WWOX: variants seen among roughly 807,000 people sequenced by gnomAD.
The protein encoded by WWOX is WW domain containing oxidoreductase, also known as WW domain-containing oxidoreductase.
In WWOX, 69 loss-of-function variants were observed where a neutral mutation model predicts 46.2. The observed-to-expected ratio is 1.49, with a 90% CI of 1.23 to 1.82. WWOX has a LOEUF of 1.82. WWOX is among the 40% of genes most tolerant of loss of function. The pLI is 0.00. For missense variants in WWOX, 919 were observed against 542.6 expected (o/e 1.69, Z -6.89); for synonymous variants, 359 against 202.6 (o/e 1.77, Z -6.56).
intron 8 of WWOX, among the ~76,000 whole-genome samples, chr16:79,180,076 G>A (rs2050880030): frequency 6.6e-6 from 1 of 151,990 alleles, no homozygotes; most frequent in Non-Finnish European, 1.5e-5. Context: ...ATTCTATTGT[G>A]CACTTTTGCC....
At chr16:78,768,082 G>T (rs896240886) in intron 8 of WWOX, among the ~76,000 whole-genome samples, 1 of 151,642 alleles carries the variant, frequency 6.6e-6, no homozygotes, top group Non-Finnish European at 1.5e-5. Context: ...TAGCTGTATT[G>T]TATTCTTATT....
intron 5 of WWOX, chr16:78,167,999 T>A (rs553220023): frequency 6.6e-6 from 1 of 152,324 alleles, no homozygotes; most frequent in East Asian, 1.9e-4. Flanking sequence ...TATTCATATG[T>A]TACCTACGAT....
chr16:78,360,846 G>A (rs1183389482), intron 5 of WWOX, among the ~76,000 whole-genome samples: 2 of 150,654 alleles, frequency 1.3e-5, no homozygotes, highest in East Asian at 2.0e-4. Context: ...TTTGAGACAC[G>A]GTCTCACTCT....
At chr16:78,903,752 A>G (rs2044887555) in intron 8 of WWOX, among the ~76,000 whole-genome samples, 1 of 152,208 alleles carries the variant, frequency 6.6e-6, no homozygotes. Context: ...TGCATAGTAC[A>G]GGAGCTCAGA....
intron 8 of WWOX, among the ~76,000 whole-genome samples, chr16:79,116,267 T>C (rs1344506411): frequency 6.6e-6 from 1 of 152,198 alleles, no homozygotes; most frequent in Non-Finnish European, 1.5e-5. Flanking sequence ...TAAAGCTTGC[T>C]GCATGGATTG....
At chr16:78,612,677 G>A (rs1476903880) in intron 8 of WWOX, among the ~76,000 whole-genome samples, 1 of 152,094 alleles carries the variant, frequency 6.6e-6, no homozygotes, top group East Asian at 1.9e-4. Context: ...GACTTGCTGT[G>A]TTGCCCAGGC....
intron 8 of WWOX, among the ~76,000 whole-genome samples, chr16:78,865,419 A>C (rs79792310): frequency 3.3e-5 from 5 of 152,192 alleles, no homozygotes; most frequent in African/African-American, 9.6e-5. Flanking sequence ...ACTCCAGTGG[A>C]CTTTGATTCA....
At chr16:78,498,191 C>G (rs71386274) in intron 8 of WWOX, among the ~76,000 whole-genome samples, 46,129 of 118,090 alleles carry the variant, frequency 0.39, 9,881 homozygotes, top group Middle Eastern at 0.59. Flanking sequence ...GGCAACAGAG[C>G]AAGACTCCAT....
intron 4 of WWOX, among the ~76,000 whole-genome samples, chr16:78,137,402 C>A (rs1349997418): frequency 3.9e-5 from 6 of 152,146 alleles, no homozygotes; most frequent in Non-Finnish European, 7.3e-5. Context: ...AAATGGGAAC[C>A]ATGACGTCAG....
rs566996083 is a variant in WWOX, at chr16:78,318,008, G to C, written c.517-68852G>C. ...TGATAGCTGCTGAAAAGGTTCCACA[G>C]TATTTGGACCGCTGCCTGCTTCTAC... On this transcript the variant is annotated intron_variant, in intron 5 of 8. Transcript: ENST00000566780. Among the ~76,000 whole-genome samples the C allele has an allele frequency of 2.6e-5, 4 of 152,296 alleles. No individual in the cohort carries two copies. The East Asian group carries it at 7.7e-4, about 29-fold the overall frequency.
intron 8 of WWOX, among the ~76,000 whole-genome samples, chr16:78,610,084 T>C (rs1434832593): frequency 1.3e-5 from 2 of 151,662 alleles, no homozygotes; most frequent in Non-Finnish European, 2.9e-5. Context: ...TTCAGCAAGG[T>C]TTCTTTGCTG....
intron 5 of WWOX, among the ~76,000 whole-genome samples, chr16:78,384,646 A>T (rs2082022819): frequency 6.6e-6 from 1 of 151,738 alleles, no homozygotes; most frequent in Non-Finnish European, 1.5e-5. Flanking sequence ...CTAACAACCC[A>T]CGTGTGGGCG....
At chr16:78,454,674 T>C (rs1213022432) in intron 8 of WWOX, among the ~76,000 whole-genome samples, 1 of 151,790 alleles carries the variant, frequency 6.6e-6, no homozygotes, top group African/African-American at 2.4e-5. Context: ...CCTGGGGAAT[T>C]TTTTTTTGTA....
At chr16:78,390,469 C>G (rs965173617) in intron 6 of WWOX, among the ~76,000 whole-genome samples, 19 of 152,182 alleles carry the variant, frequency 1.2e-4, no homozygotes, top group Admixed American at 1.2e-3. Flanking sequence ...GGTTGAGAAA[C>G]AAGGGTGATT....
At chr16:78,919,984 C>T (rs776105263) in intron 8 of WWOX, among the ~76,000 whole-genome samples, 1 of 152,210 alleles carries the variant, frequency 6.6e-6, no homozygotes, top group Non-Finnish European at 1.5e-5. Flanking sequence ...GGTTTGCCTC[C>T]TTCTCATGCT....
intron 8 of WWOX, among the ~76,000 whole-genome samples, chr16:78,722,914 C>T (rs1028446067): frequency 5.3e-5 from 8 of 151,906 alleles, no homozygotes; most frequent in South Asian, 2.1e-4. Context: ...CAGTGGCTCA[C>T]GCCTGTAGCC....
At chr16:78,941,199 T>G (rs1191656917) in intron 8 of WWOX, among the ~76,000 whole-genome samples, 1 of 152,176 alleles carries the variant, frequency 6.6e-6, no homozygotes, top group East Asian at 1.9e-4. Context: ...TTGCAAAGGA[T>G]AAATCTATCA....
intron 8 of WWOX, among the ~76,000 whole-genome samples, chr16:78,817,804 C>T (rs1266422629): frequency 6.6e-6 from 1 of 152,142 alleles, no homozygotes; most frequent in Admixed American, 6.5e-5. Context: ...GGAAAGAGTT[C>T]CAAGGCAGTC....
At chr16:78,876,108 A>T (rs1477576857) in intron 8 of WWOX, among the ~76,000 whole-genome samples, 1 of 152,144 alleles carries the variant, frequency 6.6e-6, no homozygotes, top group African/African-American at 2.4e-5. Context: ...TAGATATTTC[A>T]ACTAGTTTAC....
Sources: allele counts gnomAD v4.1 joint callset (sites outside exome capture counted in the v4.1 genomes callset), GRCh38; gene constraint gnomAD v4.1.1; transcripts MANE v1.5; gene names NCBI Gene and HGNC (gene_info 2026-07-23, HGNC 2026-07-21).